The following COL25A1 variants were observed in gnomAD, a reference collection of about 807,000 sequenced individuals.
The protein encoded by COL25A1 is collagen type XXV alpha 1 chain, also known as collagen alpha-1(XXV) chain.
A neutral mutation model predicts 128.4 loss-of-function variants in COL25A1; 103 were observed. The observed-to-expected ratio is 0.80, with a 90% CI of 0.68 to 0.94. The LOEUF (loss-of-function observed/expected upper bound fraction) is 0.94. Among genes scored for constraint, COL25A1 ranks in the 40% least tolerant of loss-of-function variants. COL25A1 has a pLI of 0.00. For missense variants in COL25A1, 745 were observed against 840.0 expected (o/e 0.89, Z 1.40); for synonymous variants, 279 against 277.2 (o/e 1.01, Z -0.06).
intron 20 of COL25A1, among the ~76,000 whole-genome samples, chr4:108,865,713 T>A (rs79571010): frequency 0.098 from 14,961 of 152,314 alleles, 947 homozygotes; most frequent in Non-Finnish European, 0.14. Flanking sequence ...AAATAATTTA[T>A]CTGTAGTTCA....
intron 19 of COL25A1, 105 bp from the exon 20 acceptor site, chr4:108,869,255 T>C: frequency 3.0e-6 from 2 of 658,492 alleles, no homozygotes. Flanking sequence ...ACTGAGATTT[T>C]ACTTCCCTGG....
chr4:109,276,167 T>C (rs1166932134), intron 3 of COL25A1, among the ~76,000 whole-genome samples: 1 of 152,094 alleles, frequency 6.6e-6, no homozygotes, highest in Non-Finnish European at 1.5e-5. Flanking sequence ...TCCCAGCACT[T>C]TGGGAGGCTG....
chr4:109,066,724 A>G (rs1164055350), intron 3 of COL25A1, among the ~76,000 whole-genome samples: 6 of 152,240 alleles, frequency 3.9e-5, no homozygotes, highest in African/African-American at 9.6e-5. Flanking sequence ...GTGCCATGGC[A>G]TGATCATAGC....
intron 3 of COL25A1, among the ~76,000 whole-genome samples, chr4:109,109,362 A>G (rs758683353): frequency 2.6e-5 from 4 of 152,146 alleles, no homozygotes; most frequent in South Asian, 2.1e-4. Flanking sequence ...GTTCTGGAGA[A>G]TATATATTTC....
chr4:109,240,749 A>G (rs960841506), intron 3 of COL25A1, among the ~76,000 whole-genome samples: 1 of 152,118 alleles, frequency 6.6e-6, no homozygotes, highest in Non-Finnish European at 1.5e-5. Flanking sequence ...TAGTGATTTA[A>G]TATCTCTGTA....
chr4:109,122,761 T>C lies in COL25A1; in HGVS notation c.368-72582A>G, dbSNP rs183362331. On this transcript the variant is annotated intron_variant, in intron 3 of 37. Coordinates refer to ENST00000399132, the MANE Select transcript of COL25A1 (RefSeq NM_198721.4). ...CACATGTAAGCATGGTTTTTGGATATAACCAAAAGTATATTTGACAGTAAA... is the reference window on the plus strand; with the variant it reads ...CACATGTAAGCATGGTTTTTGGATACAACCAAAAGTATATTTGACAGTAAA... Among the ~76,000 whole-genome samples the C allele has an allele frequency of 1.7e-3, 253 of 152,198 alleles. 1 individual carries two copies. The highest frequency in any genetic ancestry group is 3.4e-3 in the Middle Eastern group (1 of 294).
At chr4:109,095,796 TAGAGGCACTTATATGGA>T (rs1765343232) in intron 3 of COL25A1, among the ~76,000 whole-genome samples, 1 of 152,204 alleles carries the variant, frequency 6.6e-6, no homozygotes, top group Non-Finnish European at 1.5e-5. Context: ...TCTTACTTAC[TAGAGGCACTTATATGGA>T]AAAGTGAGAG....
intron 3 of COL25A1, among the ~76,000 whole-genome samples, chr4:109,097,966 A>AT (rs1765548637): frequency 6.6e-6 from 1 of 152,094 alleles, no homozygotes; most frequent in African/African-American, 2.4e-5. Context: ...CCAGGCACAA[A>AT]TTTCATTTTT....
At chr4:109,072,671 C>T (rs1330520529) in intron 3 of COL25A1, among the ~76,000 whole-genome samples, 3 of 152,186 alleles carry the variant, frequency 2.0e-5, no homozygotes, top group Non-Finnish European at 2.9e-5. Context: ...GCAGAACCTT[C>T]TGCAAGTTTT....
intron 11 of COL25A1, among the ~76,000 whole-genome samples, chr4:108,931,834 A>T (rs1391221188): frequency 6.6e-6 from 1 of 152,194 alleles, no homozygotes; most frequent in Non-Finnish European, 1.5e-5. Context: ...GGGCAAAAGT[A>T]CCAAGGAGGT....
intron 18 of COL25A1, among the ~76,000 whole-genome samples, chr4:108,886,490 G>GTTTTT (rs201934712): frequency 1.7e-4 from 7 of 41,862 alleles, no homozygotes; most frequent in South Asian, 6.8e-4. Context: ...GTGTGTGTGT[G>GTTTTT]TGTTTAGCTC....
intron 3 of COL25A1, among the ~76,000 whole-genome samples, chr4:109,198,066 T>G (rs1335005194): frequency 6.6e-6 from 1 of 152,154 alleles, no homozygotes; most frequent in African/African-American, 2.4e-5. Context: ...TTTTTTCTTG[T>G]ACTTTTATAT....
chr4:109,231,003 G>A (rs183514138), intron 3 of COL25A1, among the ~76,000 whole-genome samples: 2 of 152,108 alleles, frequency 1.3e-5, no homozygotes, highest in Admixed American at 1.3e-4. Context: ...GCCAGGCGTG[G>A]TGGCGCATGC....
chr4:108,826,201 T>G (rs1448327977), intron 33 of COL25A1, among the ~76,000 whole-genome samples: 1 of 152,182 alleles, frequency 6.6e-6, no homozygotes, highest in Non-Finnish European at 1.5e-5. Flanking sequence ...CAAGATGATA[T>G]TTTTAAAGCA....
intron 3 of COL25A1, among the ~76,000 whole-genome samples, chr4:109,206,972 C>T (rs1249464947): frequency 2.6e-5 from 4 of 152,174 alleles, no homozygotes; most frequent in Non-Finnish European, 5.9e-5. Context: ...GTATAGAAAT[C>T]TGCTTTAGGT....
rs113250799 is a variant in COL25A1, at chr4:109,149,009, T to C, written c.368-98830A>G. ...CTTCAAAAACACAAGATAAGTCAACTGCTCTTCCACAAGTTTATCATCACA... is the reference window on the plus strand; with the variant it reads ...CTTCAAAAACACAAGATAAGTCAACCGCTCTTCCACAAGTTTATCATCACA... On this transcript the variant is annotated intron_variant, in intron 3 of 37. Transcript: ENST00000399132. 1.4e-3 allele frequency among the ~76,000 whole-genome samples: 208 copies of C among 152,338 alleles called. 1 individual carries two copies. Among genetic ancestry groups the C allele is most frequent in the African/African-American group, 4.9e-3 (202 of 41,586 alleles).
At position 109,288,247 on chromosome 4, in the gene COL25A1, AG is replaced by A. The variant is rs1256180718; in HGVS notation, c.367+12335del. Among the ~76,000 whole-genome samples, 14 of 152,242 alleles carry A rather than the reference AG, an allele frequency of 9.2e-5. No homozygotes were observed. In the East Asian group the frequency reaches 2.5e-3, roughly 27 times the overall value. ...CATCTCTTGCTAGTGAAAAAGAAAA[AG>A]GCTAGATATTTTTGTAGATTATGAA... On this transcript the variant is annotated intron_variant, in intron 3 of 37. Coordinates refer to ENST00000399132, the MANE Select transcript of COL25A1 (RefSeq NM_198721.4).
intron 3 of COL25A1, among the ~76,000 whole-genome samples, chr4:109,282,966 T>C (rs1034750187): frequency 6.6e-6 from 1 of 152,028 alleles, no homozygotes; most frequent in Non-Finnish European, 1.5e-5. Flanking sequence ...GCTCTATGCA[T>C]GGTAAAGCAC....
At chr4:108,817,306 T>C (rs2125705032) in intron 37 of COL25A1, 91 bp downstream of exon 37, 1 of 1,144,160 alleles carries the variant, frequency 8.7e-7, no homozygotes, top group Non-Finnish European at 1.3e-6. Context: ...TGCTTTTTAA[T>C]ATCCGAAGGT....
Sources: allele counts gnomAD v4.1 joint callset (sites outside exome capture counted in the v4.1 genomes callset), GRCh38; gene constraint gnomAD v4.1.1; transcripts MANE v1.5; gene names NCBI Gene and HGNC (gene_info 2026-07-23, HGNC 2026-07-21).